Variants in DPP10 observed in about 807,000 individuals in gnomAD.
The protein encoded by DPP10 is dipeptidyl peptidase like 10.
A neutral mutation model predicts 120.9 loss-of-function variants in DPP10; 33 were observed. The observed-to-expected ratio is 0.27, with a 90% CI of 0.21 to 0.37. DPP10 has a LOEUF of 0.37. Ranked by LOEUF, DPP10 falls within the 10% of genes least tolerant of loss-of-function variation. The pLI is 1.00. For synonymous variants in DPP10, 337 were observed against 326.1 expected, an observed-to-expected ratio of 1.03 and a Z score of -0.36; for missense variants, 816 against 942.8, an observed-to-expected ratio of 0.87 and a Z score of 1.76.
At chr2:115,694,821 C>A (rs912060975) in intron 7 of DPP10, among the ~76,000 whole-genome samples, 3 of 152,186 alleles carry the variant, frequency 2.0e-5, no homozygotes, top group Non-Finnish European at 4.4e-5. Flanking sequence ...CTATCTTCGA[C>A]CCCAGCCCCA....
intron 1 of DPP10, among the ~76,000 whole-genome samples, chr2:114,760,963 CA>C (rs1680229000): frequency 6.6e-6 from 1 of 152,018 alleles, no homozygotes; most frequent in South Asian, 2.1e-4. Context: ...TAAGGGAAAT[CA>C]AAAAATTTTT....
At chr2:115,539,896 C>G (rs1022931738) in intron 5 of DPP10, among the ~76,000 whole-genome samples, 1 of 150,822 alleles carries the variant, frequency 6.6e-6, no homozygotes, top group Non-Finnish European at 1.5e-5. Context: ...CTAATTATAC[C>G]AAGACAGCAA....
At chr2:114,546,475 A>C (rs1277140393) in intron 1 of DPP10, among the ~76,000 whole-genome samples, 1 of 152,204 alleles carries the variant, frequency 6.6e-6, no homozygotes, top group Non-Finnish European at 1.5e-5. Context: ...TGGGGATAAC[A>C]TTTCAATGTG....
chr2:114,625,491 C>A (rs1694443703), intron 1 of DPP10, among the ~76,000 whole-genome samples: 1 of 151,934 alleles, frequency 6.6e-6, no homozygotes, highest in Admixed American at 6.6e-5. Flanking sequence ...TTAATTCTAT[C>A]ATTTCTTCTT....
chr2:115,281,982 T>G (rs2060176213), intron 1 of DPP10, among the ~76,000 whole-genome samples: 2 of 152,112 alleles, frequency 1.3e-5, no homozygotes, highest in Admixed American at 6.6e-5. Flanking sequence ...GTTATTATTA[T>G]TACATTTGTA....
Position 114,897,608 on chromosome 2 carries a change from G to A in DPP10, c.61-411631G>A, listed in dbSNP as rs573864566. 2.0e-5 allele frequency among the ~76,000 whole-genome samples: 3 copies of A among 151,392 alleles called. No homozygotes were observed. In the East Asian group the frequency reaches 5.8e-4, roughly 29 times the overall value. Reference sequence around the variant, plus strand: ...TTCACAACCTACTCATCTGACAAAGGGCTAATATCCAGAATCTACAATGAA... The same window carrying A: ...TTCACAACCTACTCATCTGACAAAGAGCTAATATCCAGAATCTACAATGAA... On this transcript the variant is annotated intron_variant, in intron 1 of 25. Coordinates refer to ENST00000410059, the MANE Select transcript of DPP10 (RefSeq NM_020868.6).
chr2:114,492,534 A>C (rs575438561), intron 1 of DPP10, among the ~76,000 whole-genome samples: 1 of 152,212 alleles, frequency 6.6e-6, no homozygotes, highest in Non-Finnish European at 1.5e-5. Context: ...ATGTCCTATA[A>C]GATTTCAAGG....
chr2:114,526,815 C>T lies in DPP10; in HGVS notation c.60+83977C>T, dbSNP rs542519767. ...CCCCAAAGCCCCCATCTCCTGGTAC[C>T]ATCACTTTGGTAAGGGTTTCAACAT... On this transcript the variant is annotated intron_variant, in intron 1 of 25. Coordinates refer to ENST00000410059, the MANE Select transcript of DPP10 (RefSeq NM_020868.6). 1.6e-4 allele frequency among the ~76,000 whole-genome samples: 25 copies of T among 152,218 alleles called. 1 individual carries two copies. In the South Asian group the frequency reaches 5.2e-3, roughly 32 times the overall value.
chr2:114,480,356 G>T (rs1237723254), intron 1 of DPP10, among the ~76,000 whole-genome samples: 1 of 152,014 alleles, frequency 6.6e-6, no homozygotes, highest in Non-Finnish European at 1.5e-5. Flanking sequence ...CCGTTACTGG[G>T]TATATACCCA....
chr2:115,235,665 G>T (rs2057962437), intron 1 of DPP10, among the ~76,000 whole-genome samples: 1 of 152,054 alleles, frequency 6.6e-6, no homozygotes, highest in Admixed American at 6.6e-5. Flanking sequence ...TGATTCAAGC[G>T]ATTGTCCTGC....
intron 10 of DPP10, among the ~76,000 whole-genome samples, chr2:115,751,161 C>G (rs918607313): frequency 6.6e-6 from 1 of 152,128 alleles, no homozygotes; most frequent in Non-Finnish European, 1.5e-5. Context: ...ATCAATTATT[C>G]AGCATTTCAG....
At chr2:115,798,376 C>T (rs1443978449) in intron 19 of DPP10, among the ~76,000 whole-genome samples, 2 of 151,760 alleles carry the variant, frequency 1.3e-5, no homozygotes, top group Non-Finnish European at 2.9e-5. Context: ...TTAAAAATAC[C>T]AAGATACAGT....
chr2:115,460,832 CA>C (rs2073943806), intron 3 of DPP10, among the ~76,000 whole-genome samples: 1 of 152,174 alleles, frequency 6.6e-6, no homozygotes, highest in South Asian at 2.1e-4. Context: ...AATCTGATCA[CA>C]ACATATTGCC....
chr2:115,830,358 C>CA (rs545749288), intron 21 of DPP10, among the ~76,000 whole-genome samples: 5,162 of 71,098 alleles, frequency 0.073, 204 homozygotes, highest in East Asian at 0.13. Context: ...AATTCTGTCT[C>CA]AAAAAAAAAA....
intron 1 of DPP10, among the ~76,000 whole-genome samples, chr2:115,093,847 C>G (rs1709489549): frequency 6.6e-6 from 1 of 152,066 alleles, no homozygotes; most frequent in African/African-American, 2.4e-5. Flanking sequence ...ATGATTCCAT[C>G]TTGTGTCTTT....
chr2:115,199,835 A>T (rs955323426), intron 1 of DPP10, among the ~76,000 whole-genome samples: 2 of 152,130 alleles, frequency 1.3e-5, no homozygotes, highest in African/African-American at 4.8e-5. Context: ...CAGGTTGCAG[A>T]TCTGAGTTGG....
At chr2:115,089,932 G>A (rs1051541289) in intron 1 of DPP10, among the ~76,000 whole-genome samples, 1 of 152,070 alleles carries the variant, frequency 6.6e-6, no homozygotes. Context: ...GTTAAACTAG[G>A]AATAGTTTGG....
At chr2:115,716,158 G>C (rs2092486377) in intron 7 of DPP10, among the ~76,000 whole-genome samples, 1 of 152,152 alleles carries the variant, frequency 6.6e-6, no homozygotes, top group Non-Finnish European at 1.5e-5. Flanking sequence ...CACTGAATTG[G>C]ACAATATCAA....
chr2:114,443,135 C>T (rs1677751934), intron 1 of DPP10, among the ~76,000 whole-genome samples: 1 of 151,820 alleles, frequency 6.6e-6, no homozygotes, highest in African/African-American at 2.4e-5. Context: ...CCAGTCCATG[C>T]CAATTTTCTT....
Sources: allele counts gnomAD v4.1 joint callset (sites outside exome capture counted in the v4.1 genomes callset), GRCh38; gene constraint gnomAD v4.1.1; transcripts MANE v1.5; gene names NCBI Gene and HGNC (gene_info 2026-07-23, HGNC 2026-07-21).